CFAP61: variants seen among roughly 807,000 people sequenced by gnomAD.
CFAP61 encodes cilia and flagella associated protein 61.
In CFAP61, 107 loss-of-function variants were observed where a neutral mutation model predicts 135.6. The observed-to-expected ratio is 0.79, with a 90% confidence interval of 0.67 to 0.93. The LOEUF (loss-of-function observed/expected upper bound fraction) is 0.93. Among genes scored for constraint, CFAP61 ranks in the 40% least tolerant of loss-of-function variants. The pLI, the probability that CFAP61 is intolerant of heterozygous loss-of-function variation, is 0.00. For missense variants in CFAP61, 1,507 were observed against 1,556.2 expected, an observed-to-expected ratio of 0.97 and a Z score of 0.53; for synonymous variants, 575 against 578.5, an observed-to-expected ratio of 0.99 and a Z score of 0.09.
chr20:20,172,397 G>A (rs986391278), intron 13 of CFAP61: 1 of 498,042 alleles, frequency 2.0e-6, no homozygotes, highest in Admixed American at 6.4e-5. Flanking sequence ...GCTCGCTGGA[G>A]CCTCAACCTC....
At chr20:20,089,998 A>G (rs6081870) in intron 6 of CFAP61, among the ~76,000 whole-genome samples, 117,204 of 152,218 alleles carry the variant, frequency 0.77, 45,356 homozygotes, top group East Asian at 0.93. Context: ...ATATGTAACT[A>G]TGAAACAGGA....
intron 14 of CFAP61, among the ~76,000 whole-genome samples, chr20:20,190,686 A>G (rs2055859835): frequency 6.6e-6 from 1 of 152,180 alleles, no homozygotes; most frequent in African/African-American, 2.4e-5. Context: ...TACTGAACAA[A>G]GTGTACAAGA....
In CFAP61 at chr20:20,164,330, C is replaced by T; in HGVS notation, c.1205+102C>T. ...AGAGCCAGTAATTTCCAAACCTGGCCCACATCCTAATCTCCTGGGGAATTT... is the reference window on the plus strand; with the variant it reads ...AGAGCCAGTAATTTCCAAACCTGGCTCACATCCTAATCTCCTGGGGAATTT... On this transcript the variant is annotated intron_variant, in intron 11 of 26. Coordinates refer to ENST00000245957, the MANE Select transcript of CFAP61 (RefSeq NM_015585.4). The T allele has an allele frequency of 7.8e-6, 9 of 1,147,794 alleles. No individual in the cohort carries two copies. The South Asian group carries it at 1.1e-4, about 14-fold the overall frequency. 71.1% of individuals were successfully genotyped at this position (1,147,794 alleles called of 1,614,324 possible). A position where few individuals can be genotyped will look rare whatever the true frequency, so the allele number is the denominator to read the frequency against.
chr20:20,277,352 T>G lies in CFAP61; in HGVS notation c.2690T>G (p.Met897Arg), dbSNP rs776201744. The G allele has an allele frequency of 1.9e-6, 3 of 1,614,202 alleles. No homozygotes were observed. The highest frequency in any genetic ancestry group is 2.2e-5 in the South Asian group (2 of 91,082). ...ADALGAAGVTMYRDAILAQWN... is the reference protein window; with the variant it reads ...ADALGAAGVTRYRDAILAQWN... ...GCGCTAGGAGCCGCCGGAGTCACTA[T>G]GTACCGGGATGCGATCCTGGCCCAG... Residue 897 changes from methionine to arginine, a missense_variant, in exon 22 of 27, where the codon ATG becomes AGG. Transcript: ENST00000245957.
At chr20:20,230,682 A>G (rs1235546532) in intron 18 of CFAP61, among the ~76,000 whole-genome samples, 3 of 152,078 alleles carry the variant, frequency 2.0e-5, no homozygotes, top group Admixed American at 6.5e-5. Context: ...CAGCCTCCCA[A>G]GTAGCTGGTA....
intron 13 of CFAP61, chr20:20,172,412 G>A (rs924145926): frequency 8.3e-6 from 3 of 359,662 alleles, no homozygotes; most frequent in African/African-American, 2.2e-5. Context: ...AACCTCCCAA[G>A]CTCAGGTGAT....
At chr20:20,253,522 A>G in intron 20 of CFAP61, 1 of 451,618 alleles carries the variant, frequency 2.2e-6, no homozygotes. Context: ...CAATGACCAG[A>G]GAATCTACAT....
intron 8 of CFAP61, among the ~76,000 whole-genome samples, chr20:20,138,878 G>C (rs1004328604): frequency 7.9e-5 from 12 of 152,104 alleles, no homozygotes; most frequent in Non-Finnish European, 1.6e-4. Flanking sequence ...ATAACTGTCT[G>C]TGTCTATTTC....
intron 25 of CFAP61, among the ~76,000 whole-genome samples, chr20:20,310,039 G>T (rs956072647): frequency 3.9e-5 from 6 of 152,078 alleles, no homozygotes; most frequent in African/African-American, 9.7e-5. Context: ...CTGTCACCCA[G>T]GCTGGAGCAC....
intron 13 of CFAP61, among the ~76,000 whole-genome samples, chr20:20,177,933 A>G (rs952149981): frequency 6.6e-6 from 1 of 152,024 alleles, no homozygotes; most frequent in African/African-American, 2.4e-5. Context: ...TTAAAAATGT[A>G]TCATGTTCTT....
chr20:20,135,782 A>G (rs2050880146), intron 8 of CFAP61, among the ~76,000 whole-genome samples: 2 of 152,210 alleles, frequency 1.3e-5, no homozygotes, highest in Non-Finnish European at 1.5e-5. Flanking sequence ...TACCATAATT[A>G]CAGTGTTATA....
In CFAP61 at chr20:20,360,242, C is replaced by T; in HGVS notation, c.3546C>T (p.Ala1182=). 6.2e-7 allele frequency: 1 copy of T among 1,613,870 alleles called. No homozygotes were observed. Among genetic ancestry groups the T allele is most frequent in the Non-Finnish European group, 8.5e-7 (1 of 1,179,930 alleles). Residue 1182 remains alanine, a synonymous_variant, in exon 27 of 27, where the codon GCC becomes GCT. Transcript: ENST00000245957. ...EEDLPSIEQL[A]HQIEDEEINP... The stretch of plus-strand genomic sequence containing the variant: ...ATCTTCCTTCCATAGAGCAGTTAGC[C>T]CATCAAATAGAAGATGAGGAAATCA...
intron 8 of CFAP61, among the ~76,000 whole-genome samples, chr20:20,122,516 T>C (rs2049734870): frequency 6.6e-6 from 1 of 152,228 alleles, no homozygotes; most frequent in East Asian, 1.9e-4. Context: ...TGAAAACATA[T>C]GATATCTGGT....
chr20:20,167,119 A>C (rs2053896592), intron 12 of CFAP61, among the ~76,000 whole-genome samples: 1 of 152,218 alleles, frequency 6.6e-6, no homozygotes, highest in Non-Finnish European at 1.5e-5. Flanking sequence ...TTAATTAAGT[A>C]AAGTCAACAA....
chr20:20,283,249 G>C (rs1322585220), intron 22 of CFAP61, among the ~76,000 whole-genome samples: 1 of 152,140 alleles, frequency 6.6e-6, no homozygotes, highest in African/African-American at 2.4e-5. Context: ...AGCATTTATA[G>C]TTGTTATATC....
chr20:20,083,754 G>A (rs945491414), intron 6 of CFAP61, among the ~76,000 whole-genome samples: 1 of 152,118 alleles, frequency 6.6e-6, no homozygotes, highest in Non-Finnish European at 1.5e-5. Flanking sequence ...ACTGGTAAGT[G>A]ACCACCAAGT....
chr20:20,305,163 C>T (rs1022095501), intron 25 of CFAP61, among the ~76,000 whole-genome samples: 1 of 152,222 alleles, frequency 6.6e-6, no homozygotes, highest in Non-Finnish European at 1.5e-5. Flanking sequence ...CCTACATTTA[C>T]TGGCTGAGTG....
At chr20:20,129,846 C>T (rs1444980871) in intron 8 of CFAP61, among the ~76,000 whole-genome samples, 2 of 151,354 alleles carry the variant, frequency 1.3e-5, no homozygotes, top group Admixed American at 1.3e-4. Flanking sequence ...TGAGGGCCTC[C>T]AGTGAATTTT....
At position 20,075,246 on chromosome 20, in the gene CFAP61, C is replaced by T. The variant is rs1223498913; in HGVS notation, c.429C>T (p.Tyr143=). The T allele has an allele frequency of 1.2e-6, 2 of 1,614,002 alleles. No homozygotes were observed. The highest frequency in any genetic ancestry group is 1.7e-6 in the Non-Finnish European group (2 of 1,179,972). The change falls in exon 5 of 27, where the codon TAC becomes TAT. Residue 143 remains tyrosine (Y), a synonymous_variant. Transcript: ENST00000245957. ...TCATATTTCTCATCGTGCCATCCTA[C>T]ATGAGCCTAGGTAAGGCCCGCCCAA... ...LHFIFLIVPS[Y]MSLGSTLITV...
Sources: allele counts gnomAD v4.1 joint callset (sites outside exome capture counted in the v4.1 genomes callset), GRCh38; gene constraint gnomAD v4.1.1; transcripts MANE v1.5; gene names NCBI Gene and HGNC (gene_info 2026-07-23, HGNC 2026-07-21).